Variants in MSI2 observed in about 807,000 individuals in gnomAD.
MSI2 encodes the protein musashi RNA binding protein 2.
Under a neutral mutation model 45.6 loss-of-function variants are expected in MSI2, and 17 were observed. That is an observed-to-expected ratio of 0.37 (90% CI 0.26 to 0.56). The LOEUF is 0.56. Among genes scored for constraint, MSI2 ranks in the 20% least tolerant of loss-of-function variants. MSI2 has a pLI of 0.77. For missense variants in MSI2, 293 were observed against 444.2 expected, an observed-to-expected ratio of 0.66 and a Z score of 3.06; for synonymous variants, 156 against 158.2, an observed-to-expected ratio of 0.99 and a Z score of 0.11.
intron 6 of MSI2, among the ~76,000 whole-genome samples, chr17:57,494,007 T>C (rs2085927101): frequency 6.6e-6 from 1 of 152,180 alleles, no homozygotes; most frequent in African/African-American, 2.4e-5. Context: ...AGAGTGCTCT[T>C]GTACCCTCGG....
At position 57,588,904 on chromosome 17, in the gene MSI2, C is replaced by T. The variant is rs547461445; in HGVS notation, c.455-7964C>T. ...GGGTCCCACTGGGGCCTCAGTTCTT[C>T]GTCTGTGAAGTGGGAACAATCATTT... On this transcript the variant is annotated intron_variant, in intron 7 of 13. Coordinates refer to ENST00000284073, the MANE Select transcript of MSI2 (RefSeq NM_138962.4). 5.9e-5 allele frequency among the ~76,000 whole-genome samples: 9 copies of T among 152,302 alleles called. No homozygotes were observed. In the East Asian group the frequency reaches 1.2e-3, roughly 20 times the overall value.
At chr17:57,607,980 C>T (rs1906813392) in intron 8 of MSI2, among the ~76,000 whole-genome samples, 1 of 152,196 alleles carries the variant, frequency 6.6e-6, no homozygotes, top group Non-Finnish European at 1.5e-5. Context: ...TCCCACCAGG[C>T]CCCACCTCCA....
At chr17:57,488,976 T>A (rs1425077880) in intron 6 of MSI2, among the ~76,000 whole-genome samples, 1 of 152,168 alleles carries the variant, frequency 6.6e-6, no homozygotes, top group Non-Finnish European at 1.5e-5. Flanking sequence ...GGGAACACAC[T>A]GCCAGGAGCC....
At chr17:57,457,400 T>G (rs1315927813) in intron 6 of MSI2, among the ~76,000 whole-genome samples, 1 of 152,224 alleles carries the variant, frequency 6.6e-6, no homozygotes, top group Non-Finnish European at 1.5e-5. Flanking sequence ...GCAGGACTTC[T>G]CAGAGCATTT....
At chr17:57,560,030 C>T (rs1163887716) in intron 7 of MSI2, among the ~76,000 whole-genome samples, 4 of 152,208 alleles carry the variant, frequency 2.6e-5, no homozygotes, top group African/African-American at 9.7e-5. Flanking sequence ...ATTTGTGCTC[C>T]GAACATATTA....
chr17:57,400,760 G>A (rs370768963), intron 5 of MSI2, among the ~76,000 whole-genome samples: 15 of 152,088 alleles, frequency 9.9e-5, no homozygotes, highest in East Asian at 7.7e-4. Context: ...AGAAGGACCT[G>A]CAGGAACGAA....
chr17:57,619,782 T>C (rs959977717), intron 9 of MSI2, among the ~76,000 whole-genome samples: 1 of 152,208 alleles, frequency 6.6e-6, no homozygotes, highest in Non-Finnish European at 1.5e-5. Flanking sequence ...GATGGATATG[T>C]GATGCCTGCC....
chr17:57,460,223 C>T (rs181913113), intron 6 of MSI2, among the ~76,000 whole-genome samples: 1 of 152,128 alleles, frequency 6.6e-6, no homozygotes, highest in Non-Finnish European at 1.5e-5. Flanking sequence ...ACTTGGGAAG[C>T]TGAGGCAGGA....
intron 5 of MSI2, among the ~76,000 whole-genome samples, chr17:57,319,434 C>T (rs1913137469): frequency 6.6e-6 from 1 of 152,200 alleles, no homozygotes; most frequent in African/African-American, 2.4e-5. Flanking sequence ...CACATTTGCA[C>T]TTGAAAATCC....
At chr17:57,324,291 A>G (rs1256389854) in intron 5 of MSI2, among the ~76,000 whole-genome samples, 1 of 152,194 alleles carries the variant, frequency 6.6e-6, no homozygotes, top group Non-Finnish European at 1.5e-5. Flanking sequence ...CGAGGGATGC[A>G]GGAGTGCCTG....
chr17:57,391,819 C>T (rs540856646), intron 5 of MSI2, among the ~76,000 whole-genome samples: 342 of 152,348 alleles, frequency 2.2e-3, no homozygotes, highest in Admixed American at 5.0e-3. Context: ...CAGAAATGCA[C>T]GACTTCCTCG....
intron 6 of MSI2, among the ~76,000 whole-genome samples, chr17:57,423,095 C>T (rs954236581): frequency 6.6e-5 from 10 of 151,998 alleles, no homozygotes; most frequent in Admixed American, 4.6e-4. Flanking sequence ...TATGTGGGTT[C>T]GAGTCCCATA....
chr17:57,338,965 T>G (rs955743915), intron 5 of MSI2, among the ~76,000 whole-genome samples: 2 of 152,206 alleles, frequency 1.3e-5, no homozygotes, highest in Non-Finnish European at 1.5e-5. Context: ...CAATTTGGCT[T>G]GTCAGGGGTG....
rs140348070 is a variant in MSI2 at position 57,452,089 on chromosome 17, G to A, written c.405+50618G>A. On this transcript the variant is annotated intron_variant, in intron 6 of 13. Coordinates refer to ENST00000284073, the MANE Select transcript of MSI2 (RefSeq NM_138962.4). ...CTCAAATCCAGCTTTCCCAGTGTGG[G>A]CACCTGTGACCACACCCTCATCCCT... 4.7e-3 allele frequency among the ~76,000 whole-genome samples: 711 copies of A among 152,274 alleles called. 2 individuals are homozygous for A. Among genetic ancestry groups the A allele is most frequent in the Admixed American group, 9.4e-3 (144 of 15,292 alleles).
chr17:57,581,682 C>T (rs1422388357), intron 7 of MSI2, among the ~76,000 whole-genome samples: 1 of 152,174 alleles, frequency 6.6e-6, no homozygotes, highest in Admixed American at 6.5e-5. Context: ...TGTTCTTGCT[C>T]CAGATCCCCA....
At chr17:57,262,517 C>A in intron 5 of MSI2, 1 of 264,032 alleles carries the variant, frequency 3.8e-6, no homozygotes, top group Non-Finnish European at 7.2e-6. Context: ...AAAAGTCGAA[C>A]ATTTCCTTGT....
chr17:57,499,566 G>A (rs137903400), intron 6 of MSI2, among the ~76,000 whole-genome samples: 2 of 152,240 alleles, frequency 1.3e-5, no homozygotes, highest in East Asian at 3.9e-4. Context: ...TTATATATGT[G>A]GTGTTCCGGT....
At position 57,529,948 on chromosome 17, in the gene MSI2, T is replaced by C. The variant is rs1162039060; in HGVS notation, c.454+224T>C. Among the ~76,000 whole-genome samples, 3 of 152,172 alleles carry C rather than the reference T, an allele frequency of 2.0e-5. No homozygotes were observed. ...TCCTTCTGGCCTAGGAACTCCTGTT[T>C]AGTTATGCAGCCATCCCTGACACAC... On this transcript the variant is annotated intron_variant, in intron 7 of 13. Coordinates refer to ENST00000284073, the MANE Select transcript of MSI2 (RefSeq NM_138962.4). The surrounding 1 kb of genome is among the most constrained non-coding windows in gnomAD (Gnocchi z 5.3).
chr17:57,406,207 C>T (rs1385669962), intron 6 of MSI2, among the ~76,000 whole-genome samples: 1 of 152,080 alleles, frequency 6.6e-6, no homozygotes, highest in Non-Finnish European at 1.5e-5. Flanking sequence ...CAAAAAATGG[C>T]AGGTAAATGA....
Sources: allele counts gnomAD v4.1 joint callset (sites outside exome capture counted in the v4.1 genomes callset), GRCh38; gene constraint gnomAD v4.1.1; non-coding constraint Gnocchi (gnomAD v3.1); transcripts MANE v1.5; gene names NCBI Gene and HGNC (gene_info 2026-07-23, HGNC 2026-07-21).